Variants in TNNT2 observed in about 807,000 individuals in gnomAD.
The protein encoded by TNNT2 is troponin T2, cardiac type, also known as troponin T, cardiac muscle.
Under a neutral mutation model 62.4 loss-of-function variants are expected in TNNT2, and 34 were observed. The ratio of observed to expected loss-of-function variants is 0.54; its 90% confidence interval spans 0.41 to 0.72. TNNT2 has a LOEUF of 0.72. TNNT2 is among the 30% of genes least tolerant of loss of function. The probability of loss-of-function intolerance (pLI) is 0.00; values close to 1 mark genes in which losing one functional copy is unlikely to be tolerated. For missense variants in TNNT2, 275 were observed against 381.9 expected (o/e 0.72, Z 2.33); for synonymous variants, 123 against 127.2 (o/e 0.97, Z 0.22).
Position 201,373,131 on chromosome 1 carries a change from G to C in TNNT2, c.41+83C>G, listed in dbSNP as rs188602527. ...CAGCTACTTCTACCCAGAATCCGAG[G>C]GACAGCTGGGAGGCTCCTGGACCAG... is the stretch of plus-strand genomic sequence containing the variant. On this transcript the variant is annotated intron_variant, in intron 2 of 16. Coordinates refer to ENST00000656932, the MANE Select transcript of TNNT2 (RefSeq NM_001276345.2). 57 of 1,373,984 alleles carry C rather than the reference G, an allele frequency of 4.1e-5. 1 individual carries two copies. The East Asian group carries it at 1.2e-3, about 30-fold the overall frequency. The allele number at this position is 1,373,984 out of a possible 1,614,324, so 85.1% of individuals were successfully genotyped here.
chr1:201,371,969 G>C, intron 4 of TNNT2, 58 bp downstream of exon 4: 3 of 1,612,088 alleles, frequency 1.9e-6, no homozygotes, highest in Non-Finnish European at 2.5e-6. Flanking sequence ...GGGCTCCCAG[G>C]ATTTCCACAT....
chr1:201,365,707 C>A (rs764902785), intron 8 of TNNT2, 37 bp from the exon 9 acceptor site: 1 of 1,610,408 alleles, frequency 6.2e-7, no homozygotes, highest in Non-Finnish European at 8.5e-7. Context: ...CAGCCCCATT[C>A]TGGACCCAGG....
intron 6 of TNNT2, 115 bp downstream of exon 6, chr1:201,368,047 G>T: frequency 1.8e-6 from 2 of 1,118,784 alleles, no homozygotes; most frequent in Non-Finnish European, 2.7e-6. Context: ...TAGTCAATAG[G>T]AGAGTCAGGT....
At chr1:201,359,587 G>C (rs1255978341) in intron 16 of TNNT2, 36 bp downstream of exon 16, 2 of 1,587,600 alleles carry the variant, frequency 1.3e-6, no homozygotes, top group South Asian at 2.3e-5. Context: ...GAGGGGGCAG[G>C]GGGAGGGCTA....
chr1:201,361,887 C>G, intron 14 of TNNT2, 26 bp downstream of exon 14: 2 of 1,605,724 alleles, frequency 1.2e-6, no homozygotes, highest in Non-Finnish European at 1.7e-6. Context: ...GGGCAGTGCC[C>G]CAGGACCATT....
At chr1:201,377,023 C>T (rs1415218238) in intron 1 of TNNT2, among the ~76,000 whole-genome samples, 3 of 152,200 alleles carry the variant, frequency 2.0e-5, no homozygotes, top group Admixed American at 6.5e-5. Flanking sequence ...GGAATTCCCG[C>T]GTTGGCCTGG....
chr1:201,364,183 C>T, intron 11 of TNNT2, 115 bp downstream of exon 11: 1 of 1,183,994 alleles, frequency 8.4e-7, no homozygotes, highest in Non-Finnish European at 1.2e-6. Context: ...CGCACCCGGC[C>T]AATATTGTCT....
chr1:201,364,871 G>A (rs1396077312), intron 10 of TNNT2, among the ~76,000 whole-genome samples: 1 of 152,196 alleles, frequency 6.6e-6, no homozygotes, highest in African/African-American at 2.4e-5. Flanking sequence ...GGCAAGGGCA[G>A]GGGTGGCGCA....
Position 201,368,174 on chromosome 1 carries a change from T to A in TNNT2, c.151A>T (p.Thr51Ser). ...ACCAGAGACTTACCTTCTGCCCTGGTCTCCTCGGTCTCAGCCTCTGCTTCA... is the reference window on the plus strand; with the variant it reads ...ACCAGAGACTTACCTTCTGCCCTGGACTCCTCGGTCTCAGCCTCTGCTTCA... The part of the protein sequence containing the change: ...DAEAEAETEE[T>S]RAEEDEEEEE... Residue 51 changes from threonine (T) to serine (S), a missense_variant, in exon 6 of 17, where the codon ACC becomes TCC. Physicochemically the swap from Thr to Ser is moderately conservative, Grantham distance 58. Transcript: ENST00000656932. The A allele has an allele frequency of 1.2e-6, 2 of 1,614,078 alleles. No homozygotes were observed. Among genetic ancestry groups the A allele is most frequent in the Non-Finnish European group, 1.7e-6 (2 of 1,179,998 alleles).
At chr1:201,359,764 C>CAGGAGGAGA (rs1658262748) in intron 15 of TNNT2, 101 bp from the exon 16 acceptor site, 1 of 1,015,254 alleles carries the variant, frequency 9.8e-7, no homozygotes, top group Non-Finnish European at 1.5e-6. Context: ...TGCAGCAGTG[C>CAGGAGGAGA]AGGAGGAGAA....
Position 201,369,847 on chromosome 1 carries a change from T to G in TNNT2, c.68-2A>C. 1 of 1,614,162 alleles carries G rather than the reference T, an allele frequency of 6.2e-7. No homozygotes were observed. Among genetic ancestry groups the G allele is most frequent in the African/African-American group, 1.3e-5 (1 of 75,036 alleles). On this transcript the variant is annotated splice_acceptor_variant, in intron 4 of 16. Coordinates refer to ENST00000656932, the MANE Select transcript of TNNT2 (RefSeq NM_001276345.2). LOFTEE classifies it high-confidence loss of function. ...CGTCCTCTCTCCAGTCCTCCTCTTC[T>G]GAGGTTCAGGGAGTGGCCGCAGCGG... is the stretch of plus-strand genomic sequence containing the variant.
At chr1:201,373,337 C>T in intron 1 of TNNT2, 69 bp from the exon 2 acceptor site, 1 of 1,391,232 alleles carries the variant, frequency 7.2e-7, no homozygotes, top group Non-Finnish European at 1.0e-6. Flanking sequence ...AGCTCTGGCC[C>T]CCGTTGTACA....
rs1658634210 is a variant in TNNT2 at position 201,361,509 on chromosome 1, C to G, written c.720-140G>C. The G allele has an allele frequency of 3.6e-6, 3 of 833,236 alleles. No homozygotes were observed. In the South Asian group the frequency reaches 4.1e-5, roughly 11 times the overall value. 51.6% of individuals were successfully genotyped at this position (833,236 alleles called of 1,614,324 possible). On this transcript the variant is annotated intron_variant, in intron 14 of 16. Transcript: ENST00000656932. ...TGCCAAGGGTACCCCAGCCCACCCCCTGGGCCTGACCCAGCCTGGGGACCA... is the reference window on the plus strand; with the variant it reads ...TGCCAAGGGTACCCCAGCCCACCCCGTGGGCCTGACCCAGCCTGGGGACCA...
chr1:201,369,293 T>TC (rs1179732994), intron 5 of TNNT2: 1 of 472,270 alleles, frequency 2.1e-6, no homozygotes, highest in Non-Finnish European at 4.4e-6. Context: ...GGTCCTGTGC[T>TC]CCCCATCAGC....
At chr1:201,370,604 C>T (rs949915225) in intron 4 of TNNT2, among the ~76,000 whole-genome samples, 4 of 152,234 alleles carry the variant, frequency 2.6e-5, no homozygotes, top group Non-Finnish European at 4.4e-5. Context: ...CTAGACGTTG[C>T]TCTCTCTTGA....
At chr1:201,364,442 C>T in intron 10 of TNNT2, 67 bp from the exon 11 acceptor site, 2 of 1,525,340 alleles carry the variant, frequency 1.3e-6, no homozygotes, top group Non-Finnish European at 1.8e-6. Context: ...GGTACAGAAA[C>T]CTGCATGGGG....
intron 1 of TNNT2, chr1:201,374,303 A>T (rs879720144): frequency 6.6e-6 from 1 of 152,086 alleles, no homozygotes; most frequent in Non-Finnish European, 1.5e-5. Flanking sequence ...TCATTCTGAG[A>T]TCATCTTCTC....
intron 12 of TNNT2, among the ~76,000 whole-genome samples, chr1:201,362,929 G>T (rs1214942174): frequency 6.6e-6 from 1 of 152,166 alleles, no homozygotes. Flanking sequence ...GGTTGCAAAA[G>T]GTCACACAAC....
intron 8 of TNNT2, chr1:201,366,106 C>G (rs1042493773): frequency 9.1e-7 from 1 of 1,104,948 alleles, no homozygotes; most frequent in Admixed American, 4.4e-5. Context: ...CCAACACATA[C>G]TGAGACCCAG....
Sources: gnomAD v4.1 joint callset for allele counts (sites outside exome capture counted in the v4.1 genomes callset) on GRCh38, gnomAD v4.1.1 for gene constraint, MANE v1.5 for transcripts, NCBI Gene and HGNC (gene_info 2026-07-23, HGNC 2026-07-21) for gene names.